ANKFY1: variants seen among roughly 807,000 people sequenced by gnomAD.
ANKFY1 encodes ankyrin repeat and FYVE domain containing 1, also known as ankyrin repeat and FYVE domain-containing protein 1.
In ANKFY1, 47 loss-of-function variants were observed where a neutral mutation model predicts 128.3. The ratio of observed to expected loss-of-function variants is 0.37; its 90% CI spans 0.29 to 0.47. The LOEUF is 0.47. ANKFY1 is among the 20% of genes least tolerant of loss of function. ANKFY1 has a pLI of 1.00. For synonymous variants in ANKFY1, 553 were observed against 601.6 expected, an observed-to-expected ratio of 0.92 and a Z score of 1.18; for missense variants, 1,222 against 1,510.6, an observed-to-expected ratio of 0.81 and a Z score of 3.17.
intron 10 of ANKFY1, 33 bp from the exon 11 acceptor site, chr17:4,189,512 T>C: frequency 1.3e-6 from 2 of 1,531,226 alleles, no homozygotes; most frequent in Non-Finnish European, 1.8e-6. Context: ...GATTCTTCTG[T>C]TTGCATCAAA....
At chr17:4,227,821 A>G (rs2060449602) in intron 3 of ANKFY1, among the ~76,000 whole-genome samples, 1 of 152,234 alleles carries the variant, frequency 6.6e-6, no homozygotes, top group Non-Finnish European at 1.5e-5. Flanking sequence ...TGTATCCATT[A>G]GAATGGCTAA....
At chr17:4,215,463 C>T (rs1057181698) in intron 4 of ANKFY1, among the ~76,000 whole-genome samples, 6 of 152,270 alleles carry the variant, frequency 3.9e-5, no homozygotes, top group South Asian at 4.1e-4. Flanking sequence ...CTGCTTCACA[C>T]TGAACCGCAC....
chr17:4,216,441 G>A (rs2060221951), intron 4 of ANKFY1: 1 of 163,376 alleles, frequency 6.1e-6, no homozygotes, highest in Admixed American at 5.7e-5. Flanking sequence ...TGCCAACTTG[G>A]GAGAGCAACA....
chr17:4,260,453 CAA>C, intron 1 of ANKFY1, among the ~76,000 whole-genome samples: 1 of 151,738 alleles, frequency 6.6e-6, no homozygotes, highest in South Asian at 2.1e-4. Context: ...CCCAACTCTA[CAA>C]AAAATACAAA....
At chr17:4,215,844 CAT>C (rs371560218) in intron 4 of ANKFY1, among the ~76,000 whole-genome samples, 28 of 152,254 alleles carry the variant, frequency 1.8e-4, no homozygotes, top group African/African-American at 6.7e-4. Context: ...GTCTGGAAAA[CAT>C]ATAAAGACAT....
chr17:4,166,458 T>C lies in ANKFY1; in HGVS notation c.*1321A>G, dbSNP rs1472822407. 1 of 152,712 alleles carries C rather than the reference T, an allele frequency of 6.5e-6. No homozygotes were observed. Among genetic ancestry groups the C allele is most frequent in the Non-Finnish European group, 1.5e-5 (1 of 68,054 alleles). 9.5% of individuals were successfully genotyped at this position (152,712 alleles called of 1,614,324 possible). On this transcript the variant is annotated 3_prime_UTR_variant, in exon 25 of 25. Coordinates refer to ENST00000341657, the MANE Select transcript of ANKFY1 (RefSeq NM_001330063.2). ...TTTAAAGCCGTGGTAGATGCTTCTC[T>C]TTAAATGTGCATTTTTTAGAAACTG... is the stretch of plus-strand genomic sequence containing the variant.
intron 1 of ANKFY1, among the ~76,000 whole-genome samples, chr17:4,247,023 G>A (rs1160297548): frequency 6.6e-6 from 1 of 152,044 alleles, no homozygotes; most frequent in Non-Finnish European, 1.5e-5. Flanking sequence ...TGAGGCAGAA[G>A]GCTCGCTTGA....
Position 4,169,716 on chromosome 17 carries a change from C to G in ANKFY1, c.3287-428G>C, listed in dbSNP as rs2059279555. Among the ~76,000 whole-genome samples, 1 of 152,192 alleles carries G rather than the reference C, an allele frequency of 6.6e-6. No individual in the cohort carries two copies. Among genetic ancestry groups the G allele is most frequent in the African/African-American group, 2.4e-5 (1 of 41,436 alleles). On this transcript the variant is annotated intron_variant, in intron 23 of 24. Coordinates refer to ENST00000341657, the MANE Select transcript of ANKFY1 (RefSeq NM_001330063.2). The surrounding 1 kb of genome is among the most constrained non-coding windows in gnomAD (Gnocchi z 5.0). ...CACAAGTGTGGGATGTGAGCGGGAG[C>G]AGGCAGAAGACACGGGTGATTTCCA...
intron 4 of ANKFY1, among the ~76,000 whole-genome samples, chr17:4,211,886 A>C (rs539604125): frequency 3.5e-4 from 41 of 117,616 alleles, no homozygotes; most frequent in Admixed American, 2.4e-3. Flanking sequence ...ACTCTGTCTC[A>C]AAAAAAAAAC....
chr17:4,207,219 G>A (rs537571065), intron 6 of ANKFY1, among the ~76,000 whole-genome samples: 215 of 150,824 alleles, frequency 1.4e-3, no homozygotes, highest in Middle Eastern at 3.4e-3. Flanking sequence ...TAACCACAGA[G>A]GGCCCGATCT....
In ANKFY1 at chr17:4,184,822, C is replaced by T. The variant is rs770296754; in HGVS notation, c.1695G>A (p.Gln565=). Residue 565 remains glutamine, a synonymous_variant, in exon 12 of 25, where the codon CAG becomes CAA. Coordinates refer to ENST00000341657, the MANE Select transcript of ANKFY1 (RefSeq NM_001330063.2). ...HPDVVSVILE[Q]KANALHATNN... is the part of the protein sequence containing the mutation. ...ACAGTATTCCCACTTACTTACCTTT[C>T]TGCTCCAGGATGACAGACACCACAT... The T allele has an allele frequency of 3.1e-6, 5 of 1,612,840 alleles. No homozygotes were observed. The highest frequency in any genetic ancestry group is 2.2e-5 in the South Asian group (2 of 91,076).
In ANKFY1 at chr17:4,241,356, T is replaced by C. The variant is rs1009169339; in HGVS notation, c.203+900A>G. On this transcript the variant is annotated intron_variant, in intron 2 of 24. Transcript: ENST00000341657. ...GTGTAGTGGCACAATCTCAGCTCACTGCAAGCTCCATCTCCCGGGTTTACG... is the reference window on the plus strand; with the variant it reads ...GTGTAGTGGCACAATCTCAGCTCACCGCAAGCTCCATCTCCCGGGTTTACG... Among the ~76,000 whole-genome samples, 4 of 146,480 alleles carry C rather than the reference T, an allele frequency of 2.7e-5. No individual in the cohort carries two copies. In the Admixed American group the frequency reaches 2.9e-4, roughly 10 times the overall value.
intron 7 of ANKFY1, among the ~76,000 whole-genome samples, chr17:4,201,807 G>A (rs574824413): frequency 6.6e-6 from 1 of 152,142 alleles, no homozygotes; most frequent in Admixed American, 6.5e-5. Context: ...ATGCATATAG[G>A]GGGTTAGGCT....
chr17:4,207,905 TGAA>T, intron 6 of ANKFY1, 25 bp downstream of exon 6: 1 of 1,543,606 alleles, frequency 6.5e-7, no homozygotes. Context: ...TTTCGGGAAA[TGAA>T]GAATGGAAAA....
At chr17:4,212,920 G>C (rs1004538865) in intron 4 of ANKFY1, among the ~76,000 whole-genome samples, 2 of 151,576 alleles carry the variant, frequency 1.3e-5, no homozygotes, top group African/African-American at 4.9e-5. Flanking sequence ...ACAGGCATGT[G>C]CCGCCACACC....
chr17:4,216,963 A>C lies in ANKFY1; in HGVS notation c.458+20T>G, dbSNP rs1330024642. The C allele has an allele frequency of 6.2e-7, 1 of 1,613,926 alleles. No individual in the cohort carries two copies. Among genetic ancestry groups the C allele is most frequent in the East Asian group, 2.2e-5 (1 of 44,882 alleles). On this transcript the variant is annotated intron_variant, in intron 4 of 24. Transcript: ENST00000341657. ...AGCCACCACCATCTGAGGTGCTTGA[A>C]TATATCTGCTGTGACTTGCCTCTCC...
At chr17:4,203,827 C>CA (rs773865349) in intron 7 of ANKFY1, among the ~76,000 whole-genome samples, 2,524 of 77,704 alleles carry the variant, frequency 0.032, 75 homozygotes, top group African/African-American at 0.1. Context: ...ACAACAACAA[C>CA]AAAAAAAAAA....
In ANKFY1 at chr17:4,173,944, A is replaced by G. The variant is rs2059368655; in HGVS notation, c.2888T>C (p.Val963Ala). ...ATTCTCATCCACGGCAGCAAAGTCCACGCCATTCTCTAGGAGGACTGAGCA... is the reference window on the plus strand; with the variant it reads ...ATTCTCATCCACGGCAGCAAAGTCCGCGCCATTCTCTAGGAGGACTGAGCA... Reference protein sequence around the residue: ...TICSVLLENGVDFAAVDENGN... With the variant: ...TICSVLLENGADFAAVDENGN... The change falls in exon 20 of 25, where the codon GTG (valine) becomes GCG (alanine). Residue 963 changes from valine (V) to alanine (A), a missense_variant. Val to Ala is a moderately conservative substitution (Grantham distance 64). Transcript: ENST00000341657. 1 of 1,613,942 alleles carries G rather than the reference A, an allele frequency of 6.2e-7. No individual in the cohort carries two copies. Among genetic ancestry groups the G allele is most frequent in the Non-Finnish European group, 8.5e-7 (1 of 1,179,922 alleles).
In ANKFY1 at chr17:4,182,325, G is replaced by T; in HGVS notation, c.1977C>A (p.Leu659=). 1 of 1,588,068 alleles carries T rather than the reference G, an allele frequency of 6.3e-7. No individual in the cohort carries two copies. The highest frequency in any genetic ancestry group is 8.6e-7 in the Non-Finnish European group (1 of 1,165,706). The stretch of plus-strand genomic sequence containing the variant: ...GAAGCTGGTTTCTGATGGCCAGCTG[G>T]AGGGCTGTCTCCCCGTCCTGAGTCC... ...NVRTQDGETA[L]QLAIRNQLPL... is the part of the protein sequence containing the mutation. Residue 659 remains leucine, a synonymous_variant, in exon 15 of 25, where the codon CTC becomes CTA. Coordinates refer to ENST00000341657, the MANE Select transcript of ANKFY1 (RefSeq NM_001330063.2).
Sources: allele counts gnomAD v4.1 joint callset (sites outside exome capture counted in the v4.1 genomes callset), GRCh38; gene constraint gnomAD v4.1.1; non-coding constraint Gnocchi (gnomAD v3.1); transcripts MANE v1.5; gene names NCBI Gene and HGNC (gene_info 2026-07-23, HGNC 2026-07-21).